The following WWOX variants were observed in gnomAD, a reference collection of about 807,000 sequenced individuals.
The protein encoded by WWOX is WW domain-containing oxidoreductase.
In WWOX, 69 loss-of-function variants were observed where a neutral mutation model predicts 46.2. That is an observed-to-expected ratio of 1.49 (90% CI 1.23 to 1.82). The LOEUF is 1.82. Among genes scored for constraint, WWOX ranks in the 40% most tolerant of loss-of-function variants. WWOX has a pLI of 0.00. For synonymous variants in WWOX, 359 were observed against 202.6 expected (o/e 1.77, Z -6.56); for missense variants, 919 against 542.6 (o/e 1.69, Z -6.89).
chr16:78,299,395 A>T (rs1016837255), intron 5 of WWOX, among the ~76,000 whole-genome samples: 1 of 152,184 alleles, frequency 6.6e-6, no homozygotes, highest in Non-Finnish European at 1.5e-5. Flanking sequence ...TAATGAAAAC[A>T]ACCAAGAATA....
intron 8 of WWOX, among the ~76,000 whole-genome samples, chr16:78,744,578 C>T (rs906950003): frequency 2.0e-5 from 3 of 151,754 alleles, no homozygotes; most frequent in Admixed American, 6.6e-5. Context: ...ATTACAGGCA[C>T]CTGCCACCAC....
chr16:78,899,857 C>A (rs954349152), intron 8 of WWOX, among the ~76,000 whole-genome samples: 5 of 152,128 alleles, frequency 3.3e-5, no homozygotes, highest in African/African-American at 1.2e-4. Context: ...TCCTAAGGTT[C>A]AGGTATTAAC....
chr16:78,762,961 G>A (rs976207950), intron 8 of WWOX, among the ~76,000 whole-genome samples: 1 of 152,176 alleles, frequency 6.6e-6, no homozygotes, highest in Non-Finnish European at 1.5e-5. Context: ...ACAAAAGGCT[G>A]GGGAAGATTT....
chr16:78,105,264 C>T (rs867556502), intron 1 of WWOX, among the ~76,000 whole-genome samples: 3 of 152,166 alleles, frequency 2.0e-5, no homozygotes, highest in Non-Finnish European at 4.4e-5. Context: ...GAGTTCGAGA[C>T]CTGCCTGGCC....
At chr16:78,372,975 GC>G (rs374687376) in intron 5 of WWOX, among the ~76,000 whole-genome samples, 51 of 152,128 alleles carry the variant, frequency 3.4e-4, no homozygotes, top group African/African-American at 1.1e-3. Flanking sequence ...TTCATAATGG[GC>G]TATTGTCTCT....
intron 8 of WWOX, among the ~76,000 whole-genome samples, chr16:78,968,982 T>G (rs2046417210): frequency 1.3e-5 from 2 of 151,782 alleles, no homozygotes; most frequent in African/African-American, 2.4e-5. Flanking sequence ...TATAACAAAA[T>G]AGAACTTTAT....
At chr16:78,396,425 A>G (rs1395827266) in intron 6 of WWOX, among the ~76,000 whole-genome samples, 2 of 152,182 alleles carry the variant, frequency 1.3e-5, no homozygotes, top group African/African-American at 4.8e-5. Flanking sequence ...TGATTTCCCA[A>G]CAGAATCCTA....
chr16:78,731,905 T>C (rs1191290718), intron 8 of WWOX, among the ~76,000 whole-genome samples: 1 of 147,064 alleles, frequency 6.8e-6, no homozygotes, highest in African/African-American at 2.6e-5. Context: ...TGGAGTGCAG[T>C]GGTGCCTTCA....
At chr16:78,605,361 T>TAA (rs79605842) in intron 8 of WWOX, among the ~76,000 whole-genome samples, 1 of 145,282 alleles carries the variant, frequency 6.9e-6, no homozygotes, top group Admixed American at 6.9e-5. Flanking sequence ...CTTAAGTCCT[T>TAA]AAAAAAAAAA....
chr16:78,407,089 G>A (rs192630070), intron 6 of WWOX, among the ~76,000 whole-genome samples: 4 of 152,294 alleles, frequency 2.6e-5, no homozygotes, highest in East Asian at 3.9e-4. Context: ...GCTGTGTTCA[G>A]TGTATACTGC....
At chr16:78,226,620 A>G (rs185358264) in intron 5 of WWOX, among the ~76,000 whole-genome samples, 98 of 150,548 alleles carry the variant, frequency 6.5e-4, no homozygotes, top group Admixed American at 1.3e-3. Flanking sequence ...TTTCTTGTAT[A>G]GCTCAGGTCT....
chr16:78,858,597 G>A, intron 8 of WWOX, among the ~76,000 whole-genome samples: 1 of 152,056 alleles, frequency 6.6e-6, no homozygotes, highest in East Asian at 1.9e-4. Context: ...ACGGAGTGTG[G>A]CTTAGGAGCT....
rs866794409 is a variant in WWOX at position 78,270,067 on chromosome 16, A to G, written c.516+105778A>G. The G allele has an allele frequency of 5.3e-5, 8 of 152,260 alleles. No homozygotes were observed. The South Asian group carries it at 1.5e-3, about 28-fold the overall frequency. The allele number at this position is 152,260 out of a possible 1,614,324, so 9.4% of individuals were successfully genotyped here. A position where few individuals can be genotyped will look rare whatever the true frequency, so the allele number is the denominator to read the frequency against. On this transcript the variant is annotated intron_variant, in intron 5 of 8. Transcript: ENST00000566780. Reference sequence around the variant, plus strand: ...ATATCTAACTTTTGATCTCACTGGTATTTGATGTTAAGCCTCAAAATCATC... The same window carrying G: ...ATATCTAACTTTTGATCTCACTGGTGTTTGATGTTAAGCCTCAAAATCATC...
chr16:78,679,262 G>A (rs994568589), intron 8 of WWOX, among the ~76,000 whole-genome samples: 1 of 152,192 alleles, frequency 6.6e-6, no homozygotes, highest in Non-Finnish European at 1.5e-5. Context: ...AGAAAGATGG[G>A]TGAGGTGGCT....
At chr16:78,102,370 C>G (rs1044871792) in intron 1 of WWOX, among the ~76,000 whole-genome samples, 2 of 152,184 alleles carry the variant, frequency 1.3e-5, no homozygotes, top group African/African-American at 4.8e-5. Context: ...AAGGGAGGAC[C>G]CATTTCAAGG....
At chr16:78,885,705 T>A (rs2151220407) in intron 8 of WWOX, among the ~76,000 whole-genome samples, 1 of 152,290 alleles carries the variant, frequency 6.6e-6, no homozygotes, top group South Asian at 2.1e-4. Context: ...ACTCAATACA[T>A]TAATATCTCA....
At chr16:78,100,057 C>T (rs1478075750) in intron 1 of WWOX, 172 bp downstream of exon 1, 2 of 1,405,302 alleles carry the variant, frequency 1.4e-6, no homozygotes, top group East Asian at 3.0e-5. Flanking sequence ...GGGCCGGCCC[C>T]CTTGGTGGGC....
chr16:78,871,645 G>C (rs1391699838), intron 8 of WWOX, among the ~76,000 whole-genome samples: 1 of 152,208 alleles, frequency 6.6e-6, no homozygotes, highest in African/African-American at 2.4e-5. Flanking sequence ...GGTTGCTCAG[G>C]CTGGAGTGCA....
At chr16:78,198,708 C>T (rs1478772086) in intron 5 of WWOX, among the ~76,000 whole-genome samples, 1 of 152,168 alleles carries the variant, frequency 6.6e-6, no homozygotes, top group Non-Finnish European at 1.5e-5. Context: ...ACCATCTTCC[C>T]TAGTTGTATC....
Sources: gnomAD v4.1 joint callset for allele counts (sites outside exome capture counted in the v4.1 genomes callset) on GRCh38, gnomAD v4.1.1 for gene constraint, MANE v1.5 for transcripts, NCBI Gene and HGNC (gene_info 2026-07-23, HGNC 2026-07-21) for gene names.